GPC6: variants seen among roughly 807,000 people sequenced by gnomAD.
GPC6 encodes glypican 6, also known as glypican-6.
In GPC6, 14 loss-of-function variants were observed where a neutral mutation model predicts 55.2. That is an observed-to-expected ratio of 0.25 (90% confidence interval 0.17 to 0.40). GPC6 has a LOEUF of 0.40. GPC6 is among the 10% of genes least tolerant of loss of function. The pLI, the probability that GPC6 is intolerant of heterozygous loss-of-function variation, is 1.00. For missense variants in GPC6, 641 were observed against 708.5 expected, an observed-to-expected ratio of 0.90 and a Z score of 1.08; for synonymous variants, 278 against 259.6, an observed-to-expected ratio of 1.07 and a Z score of -0.68.
intron 2 of GPC6, among the ~76,000 whole-genome samples, chr13:93,592,703 A>C (rs1302739693): frequency 6.6e-6 from 1 of 151,984 alleles, no homozygotes; most frequent in Admixed American, 6.5e-5. Flanking sequence ...TATTAAACTA[A>C]AGAAACATAG....
chr13:94,312,755 C>A (rs1344738471), intron 6 of GPC6, among the ~76,000 whole-genome samples: 1 of 152,100 alleles, frequency 6.6e-6, no homozygotes, highest in African/African-American at 2.4e-5. Flanking sequence ...CACTCACCCT[C>A]AGTCTTCGCT....
At chr13:93,393,742 C>G (rs1875739904) in intron 1 of GPC6, among the ~76,000 whole-genome samples, 2 of 152,026 alleles carry the variant, frequency 1.3e-5, no homozygotes, top group Non-Finnish European at 2.9e-5. Flanking sequence ...TGATCTTCAG[C>G]ATGTTCCATT....
chr13:93,265,589 A>G (rs1348289802), intron 1 of GPC6, among the ~76,000 whole-genome samples: 1 of 152,176 alleles, frequency 6.6e-6, no homozygotes, highest in Non-Finnish European at 1.5e-5. Context: ...CTCATTAAGC[A>G]TATGCAAATA....
At chr13:93,515,170 G>A (rs993615738) in intron 1 of GPC6, among the ~76,000 whole-genome samples, 1 of 151,988 alleles carries the variant, frequency 6.6e-6, no homozygotes, top group Non-Finnish European at 1.5e-5. Context: ...GTGAGTATAC[G>A]GTAAGAAGAT....
At chr13:94,018,337 T>A (rs1218572355) in intron 3 of GPC6, among the ~76,000 whole-genome samples, 1 of 151,948 alleles carries the variant, frequency 6.6e-6, no homozygotes, top group Non-Finnish European at 1.5e-5. Context: ...TTGCTCAGGC[T>A]GGAGTGCAGT....
chr13:93,487,452 T>G (rs1209519578), intron 1 of GPC6, among the ~76,000 whole-genome samples: 2 of 152,222 alleles, frequency 1.3e-5, no homozygotes, highest in Non-Finnish European at 2.9e-5. Flanking sequence ...AAACGTGTGT[T>G]ATTAATAATT....
At position 93,827,172 on chromosome 13, in the gene GPC6, G is replaced by C. The variant is rs577656479; in HGVS notation, c.320-2982G>C. On this transcript the variant is annotated intron_variant, in intron 2 of 8. Coordinates refer to ENST00000377047, the MANE Select transcript of GPC6 (RefSeq NM_005708.5). The stretch of plus-strand genomic sequence containing the variant: ...TGACTGAAGACTTTATCCAATGTGT[G>C]CTTTGTCCTCTTCCATTAAAAAGAG... Among the ~76,000 whole-genome samples, 3 of 152,256 alleles carry C rather than the reference G, an allele frequency of 2.0e-5. No individual in the cohort carries two copies. In the East Asian group the frequency reaches 5.8e-4, roughly 29 times the overall value.
chr13:93,221,841 G>T (rs1875636908), upstream of GPC6, among the ~76,000 whole-genome samples: 1 of 152,130 alleles, frequency 6.6e-6, no homozygotes, highest in Non-Finnish European at 1.5e-5. Context: ...AAGCTGAGAT[G>T]TGGAATAGAC....
chr13:94,074,285 C>T (rs1198022788), intron 4 of GPC6, among the ~76,000 whole-genome samples: 1 of 152,168 alleles, frequency 6.6e-6, no homozygotes, highest in African/African-American at 2.4e-5. Flanking sequence ...TACGTTTGCT[C>T]ATTCCTCTGT....
In GPC6 at chr13:93,640,230, TC is replaced by T. The variant is rs1284997176; in HGVS notation, c.319+94811del. Among the ~76,000 whole-genome samples, 3 of 150,618 alleles carry T rather than the reference TC, an allele frequency of 2.0e-5. No individual in the cohort carries two copies. In the East Asian group the frequency reaches 5.8e-4, roughly 29 times the overall value. ...GCCCATGGCACAAAAATGTTAAAAA[TC>T]CTTTTTTCAGCCATATGCAATAGTA... On this transcript the variant is annotated intron_variant, in intron 2 of 8. Coordinates refer to ENST00000377047, the MANE Select transcript of GPC6 (RefSeq NM_005708.5).
chr13:94,051,285 G>A (rs561710356), intron 4 of GPC6, among the ~76,000 whole-genome samples: 12 of 152,246 alleles, frequency 7.9e-5, no homozygotes, highest in African/African-American at 2.9e-4. Flanking sequence ...TAGCACAACA[G>A]GATTCTTCAA....
intron 2 of GPC6, among the ~76,000 whole-genome samples, chr13:93,691,616 A>T (rs1055401305): frequency 6.6e-6 from 1 of 151,988 alleles, no homozygotes; most frequent in Admixed American, 6.6e-5. Context: ...AAATGAAAAA[A>T]TTATTCACAC....
chr13:94,018,933 C>A (rs1882594050), intron 3 of GPC6, among the ~76,000 whole-genome samples: 1 of 152,198 alleles, frequency 6.6e-6, no homozygotes, highest in African/African-American at 2.4e-5. Flanking sequence ...CATCCCACAA[C>A]CATTCCCCCA....
chr13:93,524,329 C>T (rs1320153500), intron 1 of GPC6, among the ~76,000 whole-genome samples: 5 of 151,976 alleles, frequency 3.3e-5, no homozygotes. Context: ...GTGAGGCCAG[C>T]TTCAAGAAGG....
chr13:93,827,346 A>C (rs914386943), intron 2 of GPC6, among the ~76,000 whole-genome samples: 1 of 152,218 alleles, frequency 6.6e-6, no homozygotes, highest in African/African-American at 2.4e-5. Context: ...ATTTTCATCC[A>C]AGCATAAAGT....
In GPC6 at chr13:93,314,325, A is replaced by G. The variant is rs140137531; in HGVS notation, c.160+86709A>G. On this transcript the variant is annotated intron_variant, in intron 1 of 8. Coordinates refer to ENST00000377047, the MANE Select transcript of GPC6 (RefSeq NM_005708.5). ...ACCTGGAAAACAGATACAGAATCAA[A>G]GTGATCACATCAGTTAAGCACAGCA... is the stretch of plus-strand genomic sequence containing the variant. Among the ~76,000 whole-genome samples the G allele has an allele frequency of 3.3e-3, 508 of 152,256 alleles. 2 individuals are homozygous for G. Among genetic ancestry groups the G allele is most frequent in the African/African-American group, 0.012 (489 of 41,552 alleles).
chr13:94,230,911 C>T (rs1400029198), intron 4 of GPC6, among the ~76,000 whole-genome samples: 1 of 152,100 alleles, frequency 6.6e-6, no homozygotes, highest in Non-Finnish European at 1.5e-5. Flanking sequence ...GTGTTATTTA[C>T]TCATTTTTCA....
At chr13:93,997,090 A>G (rs1196873579) in intron 3 of GPC6, among the ~76,000 whole-genome samples, 1 of 152,210 alleles carries the variant, frequency 6.6e-6, no homozygotes, top group Non-Finnish European at 1.5e-5. Flanking sequence ...GCAAATTCCT[A>G]CACCCGTGTT....
intron 2 of GPC6, among the ~76,000 whole-genome samples, chr13:93,741,060 AAGTT>A (rs1884181604): frequency 6.6e-6 from 1 of 151,690 alleles, no homozygotes; most frequent in African/African-American, 2.4e-5. Context: ...ATATATCACA[AAGTT>A]AGTTTTTCTA....
Sources: gnomAD v4.1 joint callset for allele counts (sites outside exome capture counted in the v4.1 genomes callset) on GRCh38, gnomAD v4.1.1 for gene constraint, MANE v1.5 for transcripts, NCBI Gene and HGNC (gene_info 2026-07-23, HGNC 2026-07-21) for gene names.